Variants in NPAS3 observed in about 807,000 individuals in gnomAD.
NPAS3 encodes the protein neuronal PAS domain-containing protein 3.
Under a neutral mutation model 73.1 loss-of-function variants are expected in NPAS3, and 14 were observed. The ratio of observed to expected loss-of-function variants is 0.19; its 90% CI spans 0.13 to 0.30. The LOEUF (loss-of-function observed/expected upper bound fraction) is 0.30, where lower values mean the gene tolerates loss of function less well. Ranked by LOEUF, NPAS3 falls within the 10% of genes least tolerant of loss-of-function variation. The probability of loss-of-function intolerance (pLI) is 1.00; values close to 1 mark genes in which losing one functional copy is unlikely to be tolerated. For missense variants in NPAS3, 1,096 were observed against 1,250.0 expected (o/e 0.88, Z 1.86); for synonymous variants, 620 against 541.5 (o/e 1.14, Z -2.01).
chr14:32,939,578 G>C (rs2139033289), intron 1 of NPAS3, among the ~76,000 whole-genome samples: 1 of 137,460 alleles, frequency 7.3e-6, no homozygotes, highest in East Asian at 2.1e-4. Context: ...CGGGCTCTCT[G>C]AGCAGTCGCA....
At chr14:33,191,169 G>A (rs940106627) in intron 2 of NPAS3, among the ~76,000 whole-genome samples, 1 of 152,150 alleles carries the variant, frequency 6.6e-6, no homozygotes, top group Non-Finnish European at 1.5e-5. Flanking sequence ...CTCTTACTGT[G>A]TCTAAAGAGA....
intron 10 of NPAS3, 85 bp from the exon 11 acceptor site, chr14:33,797,372 G>A: frequency 6.9e-7 from 1 of 1,440,990 alleles, no homozygotes; most frequent in Non-Finnish European, 9.6e-7. Context: ...CAGAAGTCTG[G>A]GACAAAGAAG....
chr14:33,782,987 A>T (rs1394432541), intron 9 of NPAS3, among the ~76,000 whole-genome samples: 4 of 152,202 alleles, frequency 2.6e-5, no homozygotes, highest in Admixed American at 2.6e-4. Flanking sequence ...CGCCAAATGC[A>T]AGCAGACTGC....
intron 4 of NPAS3, among the ~76,000 whole-genome samples, chr14:33,385,142 T>C (rs558215385): frequency 1.3e-5 from 2 of 152,196 alleles, no homozygotes; most frequent in Non-Finnish European, 2.9e-5. Flanking sequence ...TTGTTTCATT[T>C]TGCGGCTCCC....
chr14:33,724,156 A>T (rs924000569), intron 6 of NPAS3, among the ~76,000 whole-genome samples: 2 of 152,204 alleles, frequency 1.3e-5, no homozygotes, highest in Non-Finnish European at 2.9e-5. Flanking sequence ...AGGCAAAAAA[A>T]TGGGATGTAT....
chr14:33,359,052 G>A (rs1368811388), intron 3 of NPAS3, among the ~76,000 whole-genome samples: 3 of 152,160 alleles, frequency 2.0e-5, no homozygotes, highest in African/African-American at 4.8e-5. Flanking sequence ...CTCTTCTTCT[G>A]GCAGGAAGCA....
chr14:33,553,016 G>A (rs147406900), intron 4 of NPAS3, among the ~76,000 whole-genome samples: 1 of 152,306 alleles, frequency 6.6e-6, no homozygotes, highest in East Asian at 1.9e-4. Context: ...AAAGGAGCCT[G>A]TGCTCACCTG....
chr14:33,341,298 A>G (rs969431905), intron 3 of NPAS3, among the ~76,000 whole-genome samples: 3 of 152,230 alleles, frequency 2.0e-5, no homozygotes, highest in Non-Finnish European at 4.4e-5. Context: ...GGCCATAAAA[A>G]TTCTTTCCAG....
chr14:33,679,586 G>C (rs1303960628), intron 6 of NPAS3, among the ~76,000 whole-genome samples: 1 of 152,174 alleles, frequency 6.6e-6, no homozygotes, highest in African/African-American at 2.4e-5. Context: ...AGTTGGGAAA[G>C]GGATATTGAT....
At chr14:33,088,672 G>C (rs1184329847) in intron 2 of NPAS3, among the ~76,000 whole-genome samples, 1 of 151,936 alleles carries the variant, frequency 6.6e-6, no homozygotes, top group Non-Finnish European at 1.5e-5. Context: ...GCTTTGAAGA[G>C]AGTAGTGGTT....
At chr14:33,169,177 G>A (rs2045290984) in intron 2 of NPAS3, among the ~76,000 whole-genome samples, 1 of 152,112 alleles carries the variant, frequency 6.6e-6, no homozygotes, top group Non-Finnish European at 1.5e-5. Context: ...TTTTATTTGA[G>A]GGCCACATTT....
chr14:33,530,292 T>C (rs1024804191), intron 4 of NPAS3, among the ~76,000 whole-genome samples: 2 of 152,080 alleles, frequency 1.3e-5, no homozygotes, highest in African/African-American at 4.8e-5. Context: ...AGCAATCACA[T>C]AACAAACACA....
intron 2 of NPAS3, among the ~76,000 whole-genome samples, chr14:33,191,320 A>G (rs1311677565): frequency 2.0e-5 from 3 of 152,194 alleles, no homozygotes; most frequent in Admixed American, 2.0e-4. Context: ...GGCTATATAT[A>G]GCATACTTTT....
intron 5 of NPAS3, among the ~76,000 whole-genome samples, chr14:33,660,341 A>G (rs941044851): frequency 6.6e-6 from 1 of 152,072 alleles, no homozygotes; most frequent in African/African-American, 2.4e-5. Flanking sequence ...CTCATAACTC[A>G]TTTCTAAACT....
chr14:33,569,558 A>G (rs142056210), intron 5 of NPAS3, among the ~76,000 whole-genome samples: 2,268 of 152,250 alleles, frequency 0.015, 25 homozygotes, highest in Non-Finnish European at 0.022. Context: ...TTCTCTCGCC[A>G]ATAGAAACAT....
chr14:33,508,059 G>A (rs2052858497), intron 4 of NPAS3, among the ~76,000 whole-genome samples: 1 of 151,956 alleles, frequency 6.6e-6, no homozygotes, highest in African/African-American at 2.4e-5. Context: ...GTTTGCTAAG[G>A]TGCCATTCAA....
intron 2 of NPAS3, among the ~76,000 whole-genome samples, chr14:33,198,581 G>C (rs2046474375): frequency 6.6e-6 from 1 of 152,166 alleles, no homozygotes; most frequent in African/African-American, 2.4e-5. Flanking sequence ...CAAACCTTGA[G>C]CTAGACATAG....
intron 5 of NPAS3, among the ~76,000 whole-genome samples, chr14:33,578,538 T>C: frequency 1.3e-5 from 2 of 152,196 alleles, no homozygotes; most frequent in East Asian, 3.9e-4. Flanking sequence ...CCAGTGGGGC[T>C]AATAATCTAT....
chr14:33,636,280 C>A (rs2058512817), intron 5 of NPAS3, among the ~76,000 whole-genome samples: 1 of 152,216 alleles, frequency 6.6e-6, no homozygotes, highest in East Asian at 1.9e-4. Context: ...TGTTCACTGG[C>A]AGCTTATGGA....
Sources: gnomAD v4.1 joint callset for allele counts (sites outside exome capture counted in the v4.1 genomes callset) on GRCh38, gnomAD v4.1.1 for gene constraint, MANE v1.5 for transcripts, NCBI Gene and HGNC (gene_info 2026-07-23, HGNC 2026-07-21) for gene names.